The following SH2D4A variants were observed in gnomAD, a reference collection of about 807,000 sequenced individuals.
SH2D4A encodes SH2 domain containing 4A.
Under a neutral mutation model 64.7 loss-of-function variants are expected in SH2D4A, and 70 were observed. The ratio of observed to expected loss-of-function variants is 1.08; its 90% CI spans 0.89 to 1.32. SH2D4A has a LOEUF of 1.32. SH2D4A is among the 40% of genes most tolerant of loss of function. SH2D4A has a pLI of 0.00. For synonymous variants in SH2D4A, 268 were observed against 200.7 expected, an observed-to-expected ratio of 1.34 and a Z score of -2.83; for missense variants, 706 against 540.1, an observed-to-expected ratio of 1.31 and a Z score of -3.04.
At chr8:19,370,836 C>G (rs1434153993) in intron 7 of SH2D4A, among the ~76,000 whole-genome samples, 2 of 152,018 alleles carry the variant, frequency 1.3e-5, no homozygotes, top group African/African-American at 4.8e-5. Flanking sequence ...TGGTTAGGCA[C>G]TTTTCTCTAG....
intron 8 of SH2D4A, among the ~76,000 whole-genome samples, chr8:19,392,915 G>T (rs1328154508): frequency 1.3e-5 from 2 of 151,878 alleles, no homozygotes; most frequent in African/African-American, 4.8e-5. Context: ...CTAATTTTTT[G>T]TATTTTTAGT....
chr8:19,322,226 G>C (rs2052202977), intron 2 of SH2D4A, among the ~76,000 whole-genome samples: 1 of 152,116 alleles, frequency 6.6e-6, no homozygotes, highest in Non-Finnish European at 1.5e-5. Flanking sequence ...TGCTGTCATG[G>C]CTGGTGCTGC....
chr8:19,350,665 G>T (rs1397443277), intron 4 of SH2D4A, among the ~76,000 whole-genome samples: 4 of 152,008 alleles, frequency 2.6e-5, no homozygotes, highest in African/African-American at 4.8e-5. Context: ...TGTATTTTCT[G>T]TAAAGACAGG....
chr8:19,387,725 C>T (rs2053414398), intron 8 of SH2D4A, among the ~76,000 whole-genome samples: 1 of 152,188 alleles, frequency 6.6e-6, no homozygotes, highest in African/African-American at 2.4e-5. Flanking sequence ...CCATTAATTA[C>T]TTGTGTGGCT....
chr8:19,360,467 A>G (rs1409817761), intron 5 of SH2D4A, among the ~76,000 whole-genome samples: 1 of 151,936 alleles, frequency 6.6e-6, no homozygotes, highest in Non-Finnish European at 1.5e-5. Flanking sequence ...TACAAAAATT[A>G]CCCAAGTGTG....
chr8:19,384,903 G>T (rs1376012361), intron 8 of SH2D4A, among the ~76,000 whole-genome samples: 5 of 152,178 alleles, frequency 3.3e-5, no homozygotes, highest in Admixed American at 6.5e-5. Flanking sequence ...TGGGTAAAAA[G>T]AAATCTGTGT....
intron 8 of SH2D4A, among the ~76,000 whole-genome samples, chr8:19,382,849 G>GAGAC (rs1428373129): frequency 8.7e-5 from 1 of 11,446 alleles, no homozygotes; most frequent in East Asian, 1.9e-3. Flanking sequence ...TTTTTTTTTT[G>GAGAC]AGACAGGGTC....
chr8:19,387,794 G>T lies in SH2D4A; in HGVS notation c.1049-5524G>T, dbSNP rs555798047. 5.4e-4 allele frequency among the ~76,000 whole-genome samples: 82 copies of T among 152,306 alleles called. 1 individual carries two copies. Among genetic ancestry groups the T allele is most frequent in the African/African-American group, 1.9e-3 (81 of 41,568 alleles). ...TGATCTGTATAATGCAGATCAGTAGGGTTGTTCCTGCCTCAATATGTGCAT... is the reference window on the plus strand; with the variant it reads ...TGATCTGTATAATGCAGATCAGTAGTGTTGTTCCTGCCTCAATATGTGCAT... On this transcript the variant is annotated intron_variant, in intron 8 of 9. Coordinates refer to ENST00000265807, the MANE Select transcript of SH2D4A (RefSeq NM_022071.4).
At chr8:19,373,501 C>G (rs371204428) in intron 7 of SH2D4A, 29 bp from the exon 8 acceptor site, 2 of 1,529,882 alleles carry the variant, frequency 1.3e-6, no homozygotes, top group Non-Finnish European at 8.8e-7. Context: ...TTAGTTAAAT[C>G]TAACTTGAAA....
intron 6 of SH2D4A, among the ~76,000 whole-genome samples, chr8:19,363,572 G>T (rs113207715): frequency 6.6e-6 from 1 of 151,998 alleles, no homozygotes; most frequent in East Asian, 1.9e-4. Context: ...TGTCTGTCAG[G>T]TTGCTTCTCA....
At chr8:19,351,530 G>T (rs1474598174) in intron 4 of SH2D4A, among the ~76,000 whole-genome samples, 1 of 152,020 alleles carries the variant, frequency 6.6e-6, no homozygotes, top group Non-Finnish European at 1.5e-5. Flanking sequence ...GTGAACCCAG[G>T]AGGCGGAGCT....
chr8:19,337,428 T>C (rs1477151606), intron 4 of SH2D4A, among the ~76,000 whole-genome samples: 1 of 152,100 alleles, frequency 6.6e-6, no homozygotes, highest in Non-Finnish European at 1.5e-5. Flanking sequence ...TATTTGGAAA[T>C]AGATCTTTGC....
At chr8:19,345,220 C>T (rs138408904) in intron 4 of SH2D4A, among the ~76,000 whole-genome samples, 2 of 152,222 alleles carry the variant, frequency 1.3e-5, no homozygotes, top group Non-Finnish European at 2.9e-5. Context: ...GACAGGACCT[C>T]ATATCCTTGT....
At chr8:19,394,432 T>G in intron 9 of SH2D4A, 118 bp from the exon 10 acceptor site, 1 of 666,298 alleles carries the variant, frequency 1.5e-6, no homozygotes, top group Non-Finnish European at 2.5e-6. Flanking sequence ...AAGATGATCA[T>G]AAACCACAAA....
intron 2 of SH2D4A, among the ~76,000 whole-genome samples, chr8:19,329,349 A>G (rs1244227848): frequency 1.3e-5 from 2 of 152,114 alleles, no homozygotes; most frequent in Non-Finnish European, 2.9e-5. Flanking sequence ...TTTTTTAAGC[A>G]TTCCCATAGC....
At chr8:19,357,897 G>A (rs1298180980) in intron 5 of SH2D4A, among the ~76,000 whole-genome samples, 2 of 152,188 alleles carry the variant, frequency 1.3e-5, no homozygotes, top group African/African-American at 4.8e-5. Flanking sequence ...TGAAACAGCA[G>A]CGTAAGATGT....
chr8:19,361,469 A>G lies in SH2D4A; in HGVS notation c.706+155A>G, dbSNP rs147961336. 4.4e-4 allele frequency: 317 copies of G among 727,328 alleles called. 1 individual carries two copies. In the African/African-American group the frequency reaches 4.6e-3, roughly 11 times the overall value. 45.1% of individuals were successfully genotyped at this position (727,328 alleles called of 1,614,324 possible). A position where few individuals can be genotyped will look rare whatever the true frequency, so the allele number is the denominator to read the frequency against. On this transcript the variant is annotated intron_variant, in intron 6 of 9. Coordinates refer to ENST00000265807, the MANE Select transcript of SH2D4A (RefSeq NM_022071.4). ...AATGTTATTACTAACTTATTACTCA[A>G]ATGCTTACAGGCTACTTTTGAACAG...
Position 19,335,999 on chromosome 8 carries a change from A to G in SH2D4A, c.513+1142A>G, listed in dbSNP as rs142832770. 4.4e-3 allele frequency among the ~76,000 whole-genome samples: 669 copies of G among 152,278 alleles called. 2 individuals carry two copies. The highest frequency in any genetic ancestry group is 6.9e-3 in the Non-Finnish European group (466 of 68,020). ...TGCTTTTGACTTCTTTGAGGCTATCATATGGGAATACAGGTATCTCCTGCC... is the reference window on the plus strand; with the variant it reads ...TGCTTTTGACTTCTTTGAGGCTATCGTATGGGAATACAGGTATCTCCTGCC... On this transcript the variant is annotated intron_variant, in intron 4 of 9. Coordinates refer to ENST00000265807, the MANE Select transcript of SH2D4A (RefSeq NM_022071.4).
chr8:19,339,432 T>A lies in SH2D4A; in HGVS notation c.513+4575T>A, dbSNP rs2052492007. On this transcript the variant is annotated intron_variant, in intron 4 of 9. Transcript: ENST00000265807. ...AGGTATTCAATACTGGGCACTTATT[T>A]CAGTACCTCCAAACACATATCAGAT... is the stretch of plus-strand genomic sequence containing the variant. 3.3e-5 allele frequency among the ~76,000 whole-genome samples: 5 copies of A among 152,124 alleles called. 1 individual carries two copies. In the South Asian group the frequency reaches 1.0e-3, roughly 32 times the overall value.
Sources: allele counts gnomAD v4.1 joint callset (sites outside exome capture counted in the v4.1 genomes callset), GRCh38; gene constraint gnomAD v4.1.1; transcripts MANE v1.5; gene names NCBI Gene and HGNC (gene_info 2026-07-23, HGNC 2026-07-21).